The following MAGI1 variants were observed in gnomAD, a reference collection of about 807,000 sequenced individuals.
MAGI1 encodes the protein membrane associated guanylate kinase, WW and PDZ domain containing 1.
MAGI1 carries 58 observed loss-of-function variants against 139.9 expected under a neutral mutation model. The ratio of observed to expected loss-of-function variants is 0.41; its 90% CI spans 0.34 to 0.52. The LOEUF is 0.52. Ranked by LOEUF, MAGI1 falls within the 20% of genes least tolerant of loss-of-function variation. The pLI, the probability that MAGI1 is intolerant of heterozygous loss-of-function variation, is 0.12. For synonymous variants in MAGI1, 812 were observed against 737.9 expected (o/e 1.10, Z -1.63); for missense variants, 1,874 against 1,901.6 (o/e 0.99, Z 0.27).
chr3:65,821,409 C>A (rs1335943232), intron 1 of MAGI1, among the ~76,000 whole-genome samples: 1 of 152,150 alleles, frequency 6.6e-6, no homozygotes, highest in Non-Finnish European at 1.5e-5. Context: ...TCCACGTCTG[C>A]CATGTCTGCT....
chr3:65,421,799 C>T (rs1946646855), intron 12 of MAGI1, among the ~76,000 whole-genome samples: 1 of 152,108 alleles, frequency 6.6e-6, no homozygotes, highest in Admixed American at 6.6e-5. Context: ...AGATTGCCCC[C>T]AAGCACTTAT....
intron 2 of MAGI1, among the ~76,000 whole-genome samples, chr3:65,506,113 A>G (rs567771413): frequency 5.9e-5 from 9 of 152,254 alleles, no homozygotes; most frequent in African/African-American, 1.9e-4. Context: ...GAAACTGTTA[A>G]AAAATCTACA....
chr3:65,504,180 T>G (rs190227427), intron 2 of MAGI1, among the ~76,000 whole-genome samples: 6 of 152,342 alleles, frequency 3.9e-5, no homozygotes, highest in Admixed American at 2.6e-4. Flanking sequence ...TTCCCTTTTA[T>G]GCACTCAATG....
At chr3:65,552,650 G>A (rs2079894865) in intron 2 of MAGI1, among the ~76,000 whole-genome samples, 1 of 152,164 alleles carries the variant, frequency 6.6e-6, no homozygotes, top group South Asian at 2.1e-4. Context: ...TCATATAGAT[G>A]AAAATGGGCC....
rs963514939 is a variant in MAGI1 at position 65,353,541 on chromosome 3, T to C, written c.*2837A>G. On this transcript the variant is annotated 3_prime_UTR_variant, in exon 23 of 23. Coordinates refer to ENST00000402939, the MANE Select transcript of MAGI1 (RefSeq NM_001033057.2). The stretch of plus-strand genomic sequence containing the variant: ...GAAGCAATAGTGGTTGTGGAATGCA[T>C]ACATTTCCATGTATTTTTACAGTAA... 1.3e-5 allele frequency: 2 copies of C among 152,232 alleles called. No homozygotes were observed. Among genetic ancestry groups the C allele is most frequent in the African/African-American group, 2.4e-5 (1 of 41,466 alleles). The allele number at this position is 152,232 out of a possible 1,614,324, so 9.4% of individuals were successfully genotyped here.
chr3:65,683,657 G>GATATATATATATATATATATATAT (rs377247002), intron 1 of MAGI1, among the ~76,000 whole-genome samples: 1 of 86,384 alleles, frequency 1.2e-5, no homozygotes, highest in African/African-American at 3.4e-5. Context: ...GACTGAATAG[G>GATATATATATATATATATATATAT]ATATATATAT....
At chr3:65,591,669 T>C (rs984334744) in intron 2 of MAGI1, among the ~76,000 whole-genome samples, 12 of 152,198 alleles carry the variant, frequency 7.9e-5, no homozygotes, top group Admixed American at 7.9e-4. Context: ...TAGCATAATC[T>C]GTCATTCTTC....
In MAGI1 at chr3:65,709,134, A is replaced by C. The variant is rs546324445; in HGVS notation, c.314-87046T>G. ...GTAAACATGAATATGTATATACACT[A>C]CATGGCCGTTCTCTTTTGGTGACAG... On this transcript the variant is annotated intron_variant, in intron 1 of 22. Coordinates refer to ENST00000402939, the MANE Select transcript of MAGI1 (RefSeq NM_001033057.2). Among the ~76,000 whole-genome samples, 12 of 152,344 alleles carry C rather than the reference A, an allele frequency of 7.9e-5. 1 individual carries two copies. The highest frequency in any genetic ancestry group is 7.8e-4 in the Admixed American group (12 of 15,306).
chr3:65,672,446 T>C (rs998735827), intron 1 of MAGI1, among the ~76,000 whole-genome samples: 4 of 152,234 alleles, frequency 2.6e-5, no homozygotes, highest in Non-Finnish European at 5.9e-5. Flanking sequence ...AATTTATAGA[T>C]ATATCAGATT....
At chr3:65,810,213 T>C in intron 1 of MAGI1, among the ~76,000 whole-genome samples, 1 of 152,252 alleles carries the variant, frequency 6.6e-6, no homozygotes, top group Admixed American at 6.5e-5. Flanking sequence ...GAATTTTAGA[T>C]ACTTTGGCAC....
At chr3:65,723,528 C>G (rs1030741913) in intron 1 of MAGI1, among the ~76,000 whole-genome samples, 1 of 142,890 alleles carries the variant, frequency 7.0e-6, no homozygotes, top group Middle Eastern at 3.5e-3. Context: ...CTCATTTATA[C>G]TCCTCAAAAT....
chr3:65,422,997 T>C (rs1254495673), intron 12 of MAGI1, among the ~76,000 whole-genome samples: 3 of 152,072 alleles, frequency 2.0e-5, no homozygotes, highest in African/African-American at 7.2e-5. Context: ...CTGAGACCTG[T>C]TGCGAGGCCA....
At chr3:65,985,333 T>C (rs2065825369) in intron 1 of MAGI1, among the ~76,000 whole-genome samples, 1 of 152,222 alleles carries the variant, frequency 6.6e-6, no homozygotes, top group South Asian at 2.1e-4. Context: ...TGAGAACAGC[T>C]AGAATGATCA....
chr3:65,755,727 T>G (rs138618443), intron 1 of MAGI1, among the ~76,000 whole-genome samples: 1 of 152,132 alleles, frequency 6.6e-6, no homozygotes, highest in African/African-American at 2.4e-5. Flanking sequence ...TTACCCACAA[T>G]TGAGTAAGCC....
At chr3:65,477,150 C>T (rs1950938702) in intron 4 of MAGI1, among the ~76,000 whole-genome samples, 2 of 152,344 alleles carry the variant, frequency 1.3e-5, no homozygotes, top group South Asian at 4.1e-4. Flanking sequence ...CCTAACACTT[C>T]TTGCACAGAT....
At chr3:65,686,003 T>C (rs2087992522) in intron 1 of MAGI1, among the ~76,000 whole-genome samples, 1 of 152,188 alleles carries the variant, frequency 6.6e-6, no homozygotes, top group Admixed American at 6.5e-5. Context: ...AATATGGCCA[T>C]AGAAACTTTT....
intron 2 of MAGI1, among the ~76,000 whole-genome samples, chr3:65,526,173 T>C (rs1395813357): frequency 1.3e-5 from 2 of 152,222 alleles, no homozygotes; most frequent in Non-Finnish European, 2.9e-5. Flanking sequence ...GTGGGATATA[T>C]GCTTGTTTCA....
At chr3:65,988,157 T>A (rs753624443) in intron 1 of MAGI1, among the ~76,000 whole-genome samples, 21 of 152,176 alleles carry the variant, frequency 1.4e-4, no homozygotes, top group African/African-American at 4.8e-4. Context: ...ACAAAGTCAG[T>A]AAGTACCAGG....
Position 65,392,671 on chromosome 3 carries a change from G to A in MAGI1, c.2200-1313C>T, listed in dbSNP as rs550378654. On this transcript the variant is annotated intron_variant, in intron 13 of 22. Transcript: ENST00000402939. The stretch of plus-strand genomic sequence containing the variant: ...TCCCCTGGAATTCTGCTGGAAATTT[G>A]CAAGGTCCCTTCATTTAATTCTCAG... Among the ~76,000 whole-genome samples, 18 of 152,248 alleles carry A rather than the reference G, an allele frequency of 1.2e-4. No individual in the cohort carries two copies. The South Asian group carries it at 3.5e-3, about 30-fold the overall frequency.
Sources: allele counts gnomAD v4.1 joint callset (sites outside exome capture counted in the v4.1 genomes callset), GRCh38; gene constraint gnomAD v4.1.1; transcripts MANE v1.5; gene names NCBI Gene and HGNC (gene_info 2026-07-23, HGNC 2026-07-21).